The following KDM2A variants were observed in gnomAD, a reference collection of about 807,000 sequenced individuals.
The protein encoded by KDM2A is lysine-specific demethylase 2A.
A neutral mutation model predicts 137.3 loss-of-function variants in KDM2A; 3 were observed. The ratio of observed to expected loss-of-function variants is 0.02; its 90% CI spans 0.01 to 0.06. The LOEUF is 0.06. KDM2A is among the 10% of genes least tolerant of loss of function. The pLI is 1.00. For synonymous variants in KDM2A, 512 were observed against 541.5 expected, an observed-to-expected ratio of 0.95 and a Z score of 0.76; for missense variants, 738 against 1,510.6, an observed-to-expected ratio of 0.49 and a Z score of 8.48.
chr11:67,245,775 A>C lies in KDM2A; in HGVS notation c.1834-210A>C. 1 of 622,246 alleles carries C rather than the reference A, an allele frequency of 1.6e-6. No individual in the cohort carries two copies. Among genetic ancestry groups the C allele is most frequent in the Admixed American group, 3.0e-5 (1 of 33,332 alleles). 38.5% of individuals were successfully genotyped at this position (622,246 alleles called of 1,614,324 possible). On this transcript the variant is annotated intron_variant, in intron 14 of 20. Transcript: ENST00000529006. This position sits in a 1 kb window ranked among gnomAD's most constrained non-coding sequence, Gnocchi z 4.1. ...GCCAAGTATAGGCCAACTGAAAATA[A>C]ACTAGTCTCTGGTGCCCAGGTGGTT...
chr11:67,136,317 A>T (rs1487837817), intron 2 of KDM2A, among the ~76,000 whole-genome samples: 1 of 152,218 alleles, frequency 6.6e-6, no homozygotes, highest in Non-Finnish European at 1.5e-5. Flanking sequence ...GATTCAAAGT[A>T]AACAGTCTGG....
intron 2 of KDM2A, among the ~76,000 whole-genome samples, chr11:67,173,517 A>G (rs754731952): frequency 1.3e-5 from 2 of 151,814 alleles, no homozygotes; most frequent in African/African-American, 4.8e-5. Flanking sequence ...TTGGCCTCCC[A>G]TTGTGCTGGG....
intron 5 of KDM2A, among the ~76,000 whole-genome samples, chr11:67,191,146 C>T (rs1300709491): frequency 6.6e-6 from 1 of 152,024 alleles, no homozygotes; most frequent in Non-Finnish European, 1.5e-5. Context: ...TGGGTTCAAG[C>T]GATTCCCTGC....
chr11:67,238,036 A>G (rs74654639), intron 12 of KDM2A, among the ~76,000 whole-genome samples: 2 of 152,326 alleles, frequency 1.3e-5, no homozygotes, highest in East Asian at 3.9e-4. Flanking sequence ...TACTGAATAG[A>G]AAGTTTTAAG....
chr11:67,231,066 C>T (rs570371659), intron 11 of KDM2A, among the ~76,000 whole-genome samples: 2 of 151,940 alleles, frequency 1.3e-5, no homozygotes, highest in East Asian at 3.9e-4. Flanking sequence ...AAGCAGTCTT[C>T]CCACCTCACC....
intron 2 of KDM2A, among the ~76,000 whole-genome samples, chr11:67,171,807 T>C (rs1231125062): frequency 6.6e-6 from 1 of 152,254 alleles, no homozygotes; most frequent in Admixed American, 6.5e-5. Flanking sequence ...CATGTGCCAC[T>C]GCTCCTGGTC....
At position 67,255,093 on chromosome 11, in the gene KDM2A, C is replaced by A; in HGVS notation, c.*38C>A. 1 of 1,563,818 alleles carries A rather than the reference C, an allele frequency of 6.4e-7. No individual in the cohort carries two copies. The highest frequency in any genetic ancestry group is 8.7e-7 in the Non-Finnish European group (1 of 1,151,268). Reference sequence around the variant, plus strand: ...CCAGATTCAACAGGAAACCGATCTTCCCCTGACTCCCCACCGAGGAGAGCC... The same window carrying A: ...CCAGATTCAACAGGAAACCGATCTTACCCTGACTCCCCACCGAGGAGAGCC... On this transcript the variant is annotated 3_prime_UTR_variant, in exon 21 of 21. Transcript: ENST00000529006.
intron 5 of KDM2A, among the ~76,000 whole-genome samples, chr11:67,200,459 C>T (rs949262505): frequency 1.3e-5 from 2 of 152,108 alleles, no homozygotes; most frequent in Non-Finnish European, 2.9e-5. Flanking sequence ...CCTCATGATC[C>T]GCCCGCCTCA....
intron 2 of KDM2A, among the ~76,000 whole-genome samples, chr11:67,175,296 G>T (rs904346816): frequency 6.6e-6 from 1 of 152,128 alleles, no homozygotes; most frequent in Non-Finnish European, 1.5e-5. Flanking sequence ...AGGTGTGGTG[G>T]CTCACACCTG....
At chr11:67,152,220 G>C (rs1342547397) in intron 2 of KDM2A, among the ~76,000 whole-genome samples, 2 of 152,068 alleles carry the variant, frequency 1.3e-5, no homozygotes, top group East Asian at 3.9e-4. Flanking sequence ...GGCTGAGGTG[G>C]GAGGATCACT....
intron 2 of KDM2A, among the ~76,000 whole-genome samples, chr11:67,135,434 A>G (rs1439525556): frequency 6.6e-6 from 1 of 152,168 alleles, no homozygotes; most frequent in Non-Finnish European, 1.5e-5. Context: ...GTTGTGAGCA[A>G]ATGTTAAAAT....
intron 2 of KDM2A, among the ~76,000 whole-genome samples, chr11:67,154,340 A>G (rs1856468262): frequency 1.3e-5 from 2 of 152,226 alleles, no homozygotes; most frequent in Non-Finnish European, 2.9e-5. Flanking sequence ...GAAGTGCACA[A>G]TTCAGTGGTA....
chr11:67,150,933 G>A (rs1378716370), intron 2 of KDM2A, among the ~76,000 whole-genome samples: 1 of 152,126 alleles, frequency 6.6e-6, no homozygotes, highest in African/African-American at 2.4e-5. Context: ...ACCTAGTGTT[G>A]AAGGCCAAAG....
At chr11:67,163,524 G>T (rs1325619606) in intron 2 of KDM2A, among the ~76,000 whole-genome samples, 1 of 152,090 alleles carries the variant, frequency 6.6e-6, no homozygotes, top group African/African-American at 2.4e-5. Context: ...GGGACATACA[G>T]TTGATTTCCA....
In KDM2A at chr11:67,254,086, G is replaced by A; in HGVS notation, c.3092-117G>A. ...CTGAAGGCATGGCTGGGTGTGGGCAGTTCTACTTAACCCCTTCAAGGGGGC... is the reference window on the plus strand; with the variant it reads ...CTGAAGGCATGGCTGGGTGTGGGCAATTCTACTTAACCCCTTCAAGGGGGC... On this transcript the variant is annotated intron_variant, in intron 19 of 20. Coordinates refer to ENST00000529006, the MANE Select transcript of KDM2A (RefSeq NM_012308.3). This position sits in a 1 kb window ranked among gnomAD's most constrained non-coding sequence, Gnocchi z 4.7. The A allele has an allele frequency of 2.4e-6, 2 of 835,920 alleles. No individual in the cohort carries two copies. The highest frequency in any genetic ancestry group is 1.9e-6 in the Non-Finnish European group (1 of 540,280). The allele number at this position is 835,920 out of a possible 1,614,324, so 51.8% of individuals were successfully genotyped here.
chr11:67,156,324 C>T (rs1856514237), intron 2 of KDM2A, among the ~76,000 whole-genome samples: 1 of 151,870 alleles, frequency 6.6e-6, no homozygotes, highest in African/African-American at 2.4e-5. Context: ...GTGGCTCACG[C>T]CTGTAATCCC....
chr11:67,156,322 C>T (rs1367855550), intron 2 of KDM2A, among the ~76,000 whole-genome samples: 13 of 151,866 alleles, frequency 8.6e-5, no homozygotes, highest in Non-Finnish European at 8.8e-5. Context: ...CAGTGGCTCA[C>T]GCCTGTAATC....
At chr11:67,149,743 A>C (rs1856341807) in intron 2 of KDM2A, among the ~76,000 whole-genome samples, 2 of 141,070 alleles carry the variant, frequency 1.4e-5, no homozygotes. Flanking sequence ...TTTTTTTGAC[A>C]GTGTTTTCTC....
rs568829965 is a variant in KDM2A at position 67,142,787 on chromosome 11, A to C, written c.42+21429A>C. On this transcript the variant is annotated intron_variant, in intron 2 of 20. Coordinates refer to ENST00000529006, the MANE Select transcript of KDM2A (RefSeq NM_012308.3). ...TGTTTCCTATTAAATCCTTATTCCT[A>C]GAAGTACAGTAATTAAAATTAGAAA... Among the ~76,000 whole-genome samples, 14 of 152,110 alleles carry C rather than the reference A, an allele frequency of 9.2e-5. No individual in the cohort carries two copies. The South Asian group carries it at 2.9e-3, about 31-fold the overall frequency.
Sources: gnomAD v4.1 joint callset for allele counts (sites outside exome capture counted in the v4.1 genomes callset) on GRCh38, gnomAD v4.1.1 for gene constraint, Gnocchi (gnomAD v3.1) non-coding constraint, MANE v1.5 for transcripts, NCBI Gene and HGNC (gene_info 2026-07-23, HGNC 2026-07-21) for gene names.